Variants in RAP1GDS1 observed in about 807,000 individuals in gnomAD.
RAP1GDS1 encodes Rap1 GTPase-GDP dissociation stimulator 1.
In RAP1GDS1, 35 loss-of-function variants were observed where a neutral mutation model predicts 71.1. That is an observed-to-expected ratio of 0.49 (90% CI 0.38 to 0.65). The LOEUF (loss-of-function observed/expected upper bound fraction) is 0.65, where lower values mean the gene tolerates loss of function less well. RAP1GDS1 is among the 30% of genes least tolerant of loss of function. RAP1GDS1 has a pLI of 0.00. For synonymous variants in RAP1GDS1, 229 were observed against 243.1 expected, an observed-to-expected ratio of 0.94 and a Z score of 0.54; for missense variants, 663 against 706.1, an observed-to-expected ratio of 0.94 and a Z score of 0.69.
chr4:98,420,480 C>G (rs1748688102), intron 11 of RAP1GDS1, among the ~76,000 whole-genome samples: 1 of 152,008 alleles, frequency 6.6e-6, no homozygotes, highest in Non-Finnish European at 1.5e-5. Context: ...ATTTTCCTGC[C>G]TCAGCCTCCT....
rs549670608 is a variant in RAP1GDS1 at position 98,351,319 on chromosome 4, C to T, written c.236-1157C>T. ...ATGATAGGAATTAATTCATTTATTTCGGGACAGAGGAATACCTCTGTGATT... is the reference window on the plus strand; with the variant it reads ...ATGATAGGAATTAATTCATTTATTTTGGGACAGAGGAATACCTCTGTGATT... On this transcript the variant is annotated intron_variant, in intron 3 of 14. Transcript: ENST00000408927. Among the ~76,000 whole-genome samples the T allele has an allele frequency of 5.9e-5, 9 of 152,128 alleles. No homozygotes were observed. In the South Asian group the frequency reaches 6.2e-4, roughly 11 times the overall value.
rs1161309586 is a variant in RAP1GDS1 at position 98,261,459 on chromosome 4, C to T, written c.-107C>T. 2 of 1,258,594 alleles carry T rather than the reference C, an allele frequency of 1.6e-6. No homozygotes were observed. Among genetic ancestry groups the T allele is most frequent in the Non-Finnish European group, 2.1e-6 (2 of 935,162 alleles). 78.0% of individuals were successfully genotyped at this position (1,258,594 alleles called of 1,614,324 possible). A position where few individuals can be genotyped will look rare whatever the true frequency, so the allele number is the denominator to read the frequency against. On this transcript the variant is annotated 5_prime_UTR_variant, in exon 1 of 15. Transcript: ENST00000408927. ...CCCGGCGGCCGCCCCCCGCGGGTCC[C>T]TCCCTGGCTGCGGGAGAGACGGAGG...
chr4:98,313,109 A>G (rs1469286518), intron 2 of RAP1GDS1, among the ~76,000 whole-genome samples: 3 of 148,212 alleles, frequency 2.0e-5, no homozygotes, highest in Non-Finnish European at 4.5e-5. Flanking sequence ...AAATTGGCTC[A>G]TGCAATTATG....
chr4:98,302,844 G>A (rs957315424), intron 2 of RAP1GDS1, among the ~76,000 whole-genome samples: 2 of 152,118 alleles, frequency 1.3e-5, no homozygotes, highest in Non-Finnish European at 2.9e-5. Flanking sequence ...TCAGGAGTTG[G>A]AGACCAGCCT....
At chr4:98,277,170 CAAGT>C (rs1724340005) in intron 1 of RAP1GDS1, among the ~76,000 whole-genome samples, 1 of 152,164 alleles carries the variant, frequency 6.6e-6, no homozygotes, top group Admixed American at 6.5e-5. Context: ...AGGATTCATC[CAAGT>C]AAGTGAGTTG....
chr4:98,314,882 T>C (rs1486805695), intron 2 of RAP1GDS1, among the ~76,000 whole-genome samples: 1 of 152,180 alleles, frequency 6.6e-6, no homozygotes. Context: ...GGTATACCGT[T>C]GTTTTTTCCT....
At chr4:98,303,765 T>C (rs1046362942) in intron 2 of RAP1GDS1, among the ~76,000 whole-genome samples, 1 of 152,080 alleles carries the variant, frequency 6.6e-6, no homozygotes, top group African/African-American at 2.4e-5. Context: ...TAGGTGAATG[T>C]GTGCCATGGT....
intron 2 of RAP1GDS1, among the ~76,000 whole-genome samples, chr4:98,307,593 A>G (rs1729513850): frequency 6.6e-6 from 1 of 152,096 alleles, no homozygotes; most frequent in Non-Finnish European, 1.5e-5. Context: ...TCCATACATT[A>G]CTTTTTAAAA....
At chr4:98,401,253 G>A (rs1179702994) in intron 6 of RAP1GDS1, among the ~76,000 whole-genome samples, 1 of 152,146 alleles carries the variant, frequency 6.6e-6, no homozygotes, top group Non-Finnish European at 1.5e-5. Flanking sequence ...GGAGTGTTTG[G>A]AGTTGCATTA....
At chr4:98,409,776 A>G (rs559374760) in intron 7 of RAP1GDS1, 130 of 448,480 alleles carry the variant, frequency 2.9e-4, no homozygotes, top group Non-Finnish European at 4.8e-4. Flanking sequence ...GGTGTTTTCA[A>G]GATAAAAGGC....
At chr4:98,413,767 T>C (rs563502857) in intron 7 of RAP1GDS1, among the ~76,000 whole-genome samples, 11,576 of 152,164 alleles carry the variant, frequency 0.076, 490 homozygotes, top group Admixed American at 0.14. Flanking sequence ...ATGGAATTTC[T>C]AGTTCTAGAT....
At chr4:98,365,096 T>G (rs1032797978) in intron 4 of RAP1GDS1, among the ~76,000 whole-genome samples, 3 of 152,170 alleles carry the variant, frequency 2.0e-5, no homozygotes, top group African/African-American at 7.2e-5. Flanking sequence ...ATTTTCTCTG[T>G]AGAGAAGTGT....
chr4:98,338,241 G>A (rs1734980777), intron 2 of RAP1GDS1, among the ~76,000 whole-genome samples: 1 of 152,126 alleles, frequency 6.6e-6, no homozygotes, highest in Admixed American at 6.6e-5. Context: ...GCTTAAATGG[G>A]TTTCCTACCA....
chr4:98,370,557 T>G (rs1740209917), intron 4 of RAP1GDS1, among the ~76,000 whole-genome samples: 1 of 151,410 alleles, frequency 6.6e-6, no homozygotes, highest in South Asian at 2.1e-4. Flanking sequence ...CATAAAAAAA[T>G]TGCATTAAAG....
chr4:98,392,893 G>T (rs976630999), intron 6 of RAP1GDS1, among the ~76,000 whole-genome samples: 1 of 152,116 alleles, frequency 6.6e-6, no homozygotes. Context: ...AATTCAGAAG[G>T]CAAACAAAAC....
At chr4:98,295,644 T>A (rs1232452342) in intron 2 of RAP1GDS1, among the ~76,000 whole-genome samples, 1 of 152,084 alleles carries the variant, frequency 6.6e-6, no homozygotes, top group Non-Finnish European at 1.5e-5. Flanking sequence ...AACTCTTGAT[T>A]TACAAAATAA....
intron 14 of RAP1GDS1, chr4:98,441,631 G>A (rs1751879233): frequency 2.0e-6 from 2 of 982,570 alleles, no homozygotes; most frequent in African/African-American, 1.7e-5. Context: ...TAGCTGTGCA[G>A]TGGCTCATGA....
intron 11 of RAP1GDS1, 99 bp downstream of exon 11, chr4:98,420,243 A>G (rs1249593951): frequency 2.6e-6 from 3 of 1,148,210 alleles, no homozygotes; most frequent in Admixed American, 3.2e-5. Flanking sequence ...GGATTATGTA[A>G]TCATAAAAAA....
intron 2 of RAP1GDS1, among the ~76,000 whole-genome samples, chr4:98,324,624 A>G (rs1228848616): frequency 6.9e-6 from 1 of 145,684 alleles, no homozygotes; most frequent in African/African-American, 2.7e-5. Flanking sequence ...CCGCATACCT[A>G]CAACTATCTG....
Sources: allele counts gnomAD v4.1 joint callset (sites outside exome capture counted in the v4.1 genomes callset), GRCh38; gene constraint gnomAD v4.1.1; transcripts MANE v1.5; gene names NCBI Gene and HGNC (gene_info 2026-07-23, HGNC 2026-07-21).